Variants in PDZRN3 observed in about 807,000 individuals in gnomAD.
PDZRN3 encodes the protein E3 ubiquitin-protein ligase PDZRN3.
Under a neutral mutation model 85.7 loss-of-function variants are expected in PDZRN3, and 38 were observed. The observed-to-expected ratio is 0.44, with a 90% CI of 0.34 to 0.58. PDZRN3 has a LOEUF of 0.58. Ranked by LOEUF, PDZRN3 falls within the 20% of genes least tolerant of loss-of-function variation. PDZRN3 has a pLI of 0.01. For missense variants in PDZRN3, 1,629 were observed against 1,506.4 expected (o/e 1.08, Z -1.35); for synonymous variants, 759 against 638.0 (o/e 1.19, Z -2.86).
intron 3 of PDZRN3, among the ~76,000 whole-genome samples, chr3:73,472,202 C>T (rs1397166586): frequency 6.6e-6 from 1 of 152,216 alleles, no homozygotes; most frequent in Non-Finnish European, 1.5e-5. Context: ...TTTGTTAGAG[C>T]TGCCAGGCTG....
chr3:73,587,196 G>C (rs933888511), intron 3 of PDZRN3, among the ~76,000 whole-genome samples: 1 of 152,208 alleles, frequency 6.6e-6, no homozygotes, highest in Non-Finnish European at 1.5e-5. Context: ...GTGGCAAATG[G>C]CATTAGAAGA....
chr3:73,558,874 G>A (rs1270955034), intron 3 of PDZRN3, among the ~76,000 whole-genome samples: 2 of 152,228 alleles, frequency 1.3e-5, no homozygotes, highest in Admixed American at 1.3e-4. Flanking sequence ...GAGCTGCACT[G>A]TTTGACAGCC....
intron 3 of PDZRN3, among the ~76,000 whole-genome samples, chr3:73,595,569 A>C (rs979967099): frequency 2.0e-5 from 3 of 152,212 alleles, no homozygotes; most frequent in African/African-American, 4.8e-5. Flanking sequence ...TAATTACAAA[A>C]TCATTTGGTT....
chr3:73,624,475 G>A lies in PDZRN3; in HGVS notation c.351C>T (p.Cys117=), dbSNP rs533045451. 1.3e-5 allele frequency: 18 copies of A among 1,392,796 alleles called. No homozygotes were observed. In the South Asian group the frequency reaches 2.4e-4, roughly 19 times the overall value. The allele number at this position is 1,392,796 out of a possible 1,614,324, so 86.3% of individuals were successfully genotyped here. Residue 117 remains cysteine, a synonymous_variant, in exon 1 of 10, where the codon TGC becomes TGT. Coordinates refer to ENST00000263666, the MANE Select transcript of PDZRN3 (RefSeq NM_015009.3). ...FAPARCRHAG[C]GQVLLRRDVE... ...CGTCGCGCCGCAGCAGCACCTGGCC[G>A]CAACCCGCGTGGCGACAGCGCGCGG...
In PDZRN3 at chr3:73,563,928, AG is replaced by A. The variant is rs767563475; in HGVS notation, c.918+38425del. Among the ~76,000 whole-genome samples, 71 of 152,198 alleles carry A rather than the reference AG, an allele frequency of 4.7e-4. 1 individual carries two copies. The highest frequency in any genetic ancestry group is 9.6e-4 in the African/African-American group (40 of 41,452). ...TCCAGAGCCCAGGCTCATAACCACA[AG>A]GTAACCTCTCTGTTATTGGGTATTA... is the stretch of plus-strand genomic sequence containing the variant. On this transcript the variant is annotated intron_variant, in intron 3 of 9. Transcript: ENST00000263666.
intron 3 of PDZRN3, among the ~76,000 whole-genome samples, chr3:73,560,143 T>G (rs898239647): frequency 1.3e-5 from 2 of 152,222 alleles, no homozygotes; most frequent in Non-Finnish European, 2.9e-5. Flanking sequence ...CAATAAGGCT[T>G]GAAATCTTTT....
intron 1 of PDZRN3, chr3:73,623,470 G>A (rs1702899918): frequency 6.6e-6 from 1 of 152,224 alleles, no homozygotes; most frequent in Non-Finnish European, 1.5e-5. Flanking sequence ...CACGTCTCTA[G>A]GGACCATAGT....
At chr3:73,506,909 A>G (rs549562261) in intron 3 of PDZRN3, among the ~76,000 whole-genome samples, 1 of 140,750 alleles carries the variant, frequency 7.1e-6, no homozygotes, top group Non-Finnish European at 1.6e-5. Flanking sequence ...AAAAAAAAAA[A>G]CAAAAAAACA....
intron 5 of PDZRN3, among the ~76,000 whole-genome samples, chr3:73,398,504 C>T (rs946844545): frequency 6.6e-6 from 1 of 152,202 alleles, no homozygotes; most frequent in Non-Finnish European, 1.5e-5. Context: ...GTAGTTCCCA[C>T]ATCTCCTAGG....
At chr3:73,525,180 A>G (rs934936420) in intron 3 of PDZRN3, among the ~76,000 whole-genome samples, 3 of 152,164 alleles carry the variant, frequency 2.0e-5, no homozygotes, top group Admixed American at 6.5e-5. Flanking sequence ...AGCAGAGCAA[A>G]TAAATTAACA....
intron 3 of PDZRN3, among the ~76,000 whole-genome samples, chr3:73,452,403 T>C (rs1702881304): frequency 1.3e-5 from 2 of 152,220 alleles, no homozygotes; most frequent in South Asian, 2.1e-4. Flanking sequence ...AATCACAAAA[T>C]AGCTGCCACA....
intron 5 of PDZRN3, among the ~76,000 whole-genome samples, chr3:73,395,339 A>AGAC (rs1701613435): frequency 6.6e-6 from 1 of 152,258 alleles, no homozygotes; most frequent in Non-Finnish European, 1.5e-5. Flanking sequence ...ATTTCAAAGA[A>AGAC]GACTATTAAT....
At chr3:73,491,940 C>T (rs1703778781) in intron 3 of PDZRN3, among the ~76,000 whole-genome samples, 1 of 151,958 alleles carries the variant, frequency 6.6e-6, no homozygotes, top group African/African-American at 2.4e-5. Flanking sequence ...GTTCACACGT[C>T]TCAGGGTACT....
At chr3:73,428,557 C>T (rs1702365098) in intron 3 of PDZRN3, among the ~76,000 whole-genome samples, 1 of 152,108 alleles carries the variant, frequency 6.6e-6, no homozygotes, top group Non-Finnish European at 1.5e-5. Context: ...AAGTGCAGGG[C>T]ACCTTGGAAT....
intron 5 of PDZRN3, among the ~76,000 whole-genome samples, chr3:73,399,637 C>T (rs1701710643): frequency 6.6e-6 from 1 of 152,154 alleles, no homozygotes; most frequent in African/African-American, 2.4e-5. Context: ...AGGCAGAATC[C>T]TGATTTTTGA....
rs113974786 is a variant in PDZRN3 at position 73,438,338 on chromosome 3, T to G, written c.919-33943A>C. 5.0e-3 allele frequency among the ~76,000 whole-genome samples: 764 copies of G among 152,362 alleles called. 4 individuals are homozygous for G. Among genetic ancestry groups the G allele is most frequent in the African/African-American group, 0.017 (714 of 41,576 alleles). On this transcript the variant is annotated intron_variant, in intron 3 of 9. Transcript: ENST00000263666. ...GATGTAGACATGAACTTATATTTATTTAATTGCTGAATAAGCTATCTAATT... is the reference window on the plus strand; with the variant it reads ...GATGTAGACATGAACTTATATTTATGTAATTGCTGAATAAGCTATCTAATT...
chr3:73,576,949 C>G (rs1211515223), intron 3 of PDZRN3, among the ~76,000 whole-genome samples: 3 of 152,098 alleles, frequency 2.0e-5, no homozygotes, highest in Non-Finnish European at 4.4e-5. Context: ...ATTTTCAATG[C>G]TTCTATTAGC....
At chr3:73,439,839 A>G (rs1021945653) in intron 3 of PDZRN3, among the ~76,000 whole-genome samples, 1 of 151,974 alleles carries the variant, frequency 6.6e-6, no homozygotes, top group Non-Finnish European at 1.5e-5. Flanking sequence ...CCCAGGTTCA[A>G]GCGATTCTCT....
chr3:73,456,498 A>T (rs1304950751), intron 3 of PDZRN3, among the ~76,000 whole-genome samples: 3 of 152,234 alleles, frequency 2.0e-5, no homozygotes, highest in Non-Finnish European at 4.4e-5. Flanking sequence ...AAATAAAATT[A>T]TTCTTTTTAA....
Sources: gnomAD v4.1 joint callset for allele counts (sites outside exome capture counted in the v4.1 genomes callset) on GRCh38, gnomAD v4.1.1 for gene constraint, MANE v1.5 for transcripts, NCBI Gene and HGNC (gene_info 2026-07-23, HGNC 2026-07-21) for gene names.